MDGA2: variants seen among roughly 807,000 people sequenced by gnomAD.
The protein encoded by MDGA2 is MAM domain containing glycosylphosphatidylinositol anchor 2.
MDGA2 carries 40 observed loss-of-function variants against 117.8 expected under a neutral mutation model. The ratio of observed to expected loss-of-function variants is 0.34; its 90% confidence interval spans 0.26 to 0.44. The LOEUF is 0.44. Among genes scored for constraint, MDGA2 ranks in the 20% least tolerant of loss-of-function variants. The probability of loss-of-function intolerance (pLI) is 1.00; values close to 1 mark genes in which losing one functional copy is unlikely to be tolerated. For synonymous variants in MDGA2, 452 were observed against 439.0 expected (o/e 1.03, Z -0.37); for missense variants, 1,123 against 1,250.6 (o/e 0.90, Z 1.54).
chr14:47,403,817 A>G (rs2138469109), intron 1 of MDGA2, among the ~76,000 whole-genome samples: 1 of 152,272 alleles, frequency 6.6e-6, no homozygotes, highest in South Asian at 2.1e-4. Flanking sequence ...CCCATGAAAC[A>G]GGCCATAAAA....
intron 3 of MDGA2, among the ~76,000 whole-genome samples, chr14:47,189,489 C>A (rs770592531): frequency 1.1e-4 from 17 of 152,078 alleles, no homozygotes; most frequent in Non-Finnish European, 2.4e-4. Flanking sequence ...GCAACCACAG[C>A]TGCTGATATC....
intron 1 of MDGA2, among the ~76,000 whole-genome samples, chr14:47,432,363 G>A (rs377512012): frequency 6.6e-6 from 1 of 152,008 alleles, no homozygotes; most frequent in Non-Finnish European, 1.5e-5. Context: ...GTGTCATATT[G>A]TGTTATCTCA....
intron 8 of MDGA2, among the ~76,000 whole-genome samples, chr14:47,002,093 G>A (rs1042995755): frequency 6.6e-6 from 1 of 151,930 alleles, no homozygotes; most frequent in East Asian, 1.9e-4. Context: ...GGACTGGTGG[G>A]CACTAAATTA....
intron 7 of MDGA2, among the ~76,000 whole-genome samples, chr14:47,048,673 T>C (rs1889349230): frequency 6.6e-6 from 1 of 152,082 alleles, no homozygotes; most frequent in Non-Finnish European, 1.5e-5. Context: ...TCTCTCATCT[T>C]TTGTCAAGAG....
intron 10 of MDGA2, among the ~76,000 whole-genome samples, chr14:46,905,358 T>C (rs1046917012): frequency 6.6e-6 from 1 of 152,170 alleles, no homozygotes; most frequent in Non-Finnish European, 1.5e-5. Flanking sequence ...AATAAAACAA[T>C]TTCTTTCTAT....
At chr14:47,550,835 T>C (rs1895567048) in intron 1 of MDGA2, among the ~76,000 whole-genome samples, 1 of 152,214 alleles carries the variant, frequency 6.6e-6, no homozygotes, top group South Asian at 2.1e-4. Flanking sequence ...GGGAATCTTA[T>C]TTTTGATAAC....
intron 10 of MDGA2, among the ~76,000 whole-genome samples, chr14:46,917,554 G>C (rs1405848173): frequency 1.3e-5 from 2 of 152,126 alleles, no homozygotes; most frequent in African/African-American, 4.8e-5. Context: ...TGGAAGCCAA[G>C]TGTGTCTGGA....
At chr14:47,591,937 A>G (rs531195432) in intron 1 of MDGA2, among the ~76,000 whole-genome samples, 2 of 152,106 alleles carry the variant, frequency 1.3e-5, no homozygotes, top group Non-Finnish European at 2.9e-5. Flanking sequence ...CAGGGCAATC[A>G]GGCAATAGAA....
rs33990961 is a variant in MDGA2, at chr14:47,247,632, T to TTTTTTATTATTATTATTA, written c.421-29438_421-29437insTAATAATAATAATAAAAA. 1.0e-4 allele frequency among the ~76,000 whole-genome samples: 15 copies of TTTTTTATTATTATTATTA among 146,138 alleles called. No individual in the cohort carries two copies. The East Asian group carries it at 2.2e-3, about 22-fold the overall frequency. ...TTCAGATGTTTAACATCAGTACATATTTATTATTATTATTATTATTATTAT... is the reference window on the plus strand; with the variant it reads ...TTCAGATGTTTAACATCAGTACATATTTTTTATTATTATTATTATTATTATTATTATTATTATTATTAT... On this transcript the variant is annotated intron_variant, in intron 2 of 16. Coordinates refer to ENST00000399232, the MANE Select transcript of MDGA2 (RefSeq NM_001113498.3).
chr14:47,361,889 G>A (rs537541553), intron 1 of MDGA2, among the ~76,000 whole-genome samples: 1 of 152,202 alleles, frequency 6.6e-6, no homozygotes, highest in East Asian at 1.9e-4. Flanking sequence ...TACCTAATTC[G>A]AAGCACTCTT....
intron 1 of MDGA2, among the ~76,000 whole-genome samples, chr14:47,652,645 A>G (rs1158191595): frequency 6.6e-6 from 1 of 152,180 alleles, no homozygotes. Context: ...TGCTGAGTTA[A>G]AACAAGTACT....
intron 1 of MDGA2, among the ~76,000 whole-genome samples, chr14:47,628,046 T>C (rs1459561173): frequency 1.3e-5 from 2 of 152,136 alleles, no homozygotes; most frequent in Non-Finnish European, 2.9e-5. Context: ...CCACCTGCCA[T>C]AGTTTTGGGG....
At chr14:47,312,927 C>CAT (rs10672253) in intron 1 of MDGA2, among the ~76,000 whole-genome samples, 20,236 of 146,408 alleles carry the variant, frequency 0.14, 1,518 homozygotes, top group African/African-American at 0.18. Flanking sequence ...TATATATATA[C>CAT]ATATATATAT....
At chr14:46,937,659 C>T (rs1112682) in intron 9 of MDGA2, among the ~76,000 whole-genome samples, 10,470 of 152,060 alleles carry the variant, frequency 0.069, 607 homozygotes, top group African/African-American at 0.15. Flanking sequence ...ATTTCCACAG[C>T]CAACTGATTT....
chr14:47,425,352 T>A (rs1892665915), intron 1 of MDGA2, among the ~76,000 whole-genome samples: 1 of 152,164 alleles, frequency 6.6e-6, no homozygotes, highest in South Asian at 2.1e-4. Flanking sequence ...TACACCCTCA[T>A]TTAATTTCAG....
At chr14:47,110,213 TGTTC>T (rs1594632474) in intron 5 of MDGA2, among the ~76,000 whole-genome samples, 2 of 152,286 alleles carry the variant, frequency 1.3e-5, no homozygotes, top group East Asian at 3.9e-4. Flanking sequence ...TGTACTTATT[TGTTC>T]ATTTATACCA....
chr14:47,613,175 C>A (rs1284788267), intron 1 of MDGA2, among the ~76,000 whole-genome samples: 1 of 152,016 alleles, frequency 6.6e-6, no homozygotes, highest in African/African-American at 2.4e-5. Flanking sequence ...ATTGAGGAGA[C>A]CTTAGGGTAT....
At chr14:47,425,002 G>A (rs1345574910) in intron 1 of MDGA2, among the ~76,000 whole-genome samples, 2 of 152,186 alleles carry the variant, frequency 1.3e-5, no homozygotes, top group Non-Finnish European at 2.9e-5. Flanking sequence ...GTAGATAGGG[G>A]AAATCCAGTA....
At chr14:46,941,281 A>C (rs369047530) in intron 9 of MDGA2, among the ~76,000 whole-genome samples, 4 of 152,230 alleles carry the variant, frequency 2.6e-5, no homozygotes, top group Non-Finnish European at 5.9e-5. Flanking sequence ...TCACTTAAGT[A>C]ATGTGAAATT....
Sources: gnomAD v4.1 joint callset for allele counts (sites outside exome capture counted in the v4.1 genomes callset) on GRCh38, gnomAD v4.1.1 for gene constraint, MANE v1.5 for transcripts, NCBI Gene and HGNC (gene_info 2026-07-23, HGNC 2026-07-21) for gene names.